The following ADGRB3 variants were observed in gnomAD, a reference collection of about 807,000 sequenced individuals.
The protein encoded by ADGRB3 is adhesion G protein-coupled receptor B3, also known as brain-specific angiogenesis inhibitor 3.
In ADGRB3, 37 loss-of-function variants were observed where a neutral mutation model predicts 193.4. The observed-to-expected ratio is 0.19, with a 90% confidence interval of 0.15 to 0.25. The LOEUF is 0.25. Ranked by LOEUF, ADGRB3 falls within the 10% of genes least tolerant of loss-of-function variation. The pLI is 1.00. For synonymous variants in ADGRB3, 690 were observed against 644.2 expected, an observed-to-expected ratio of 1.07 and a Z score of -1.08; for missense variants, 1,637 against 1,852.9, an observed-to-expected ratio of 0.88 and a Z score of 2.14.
intron 17 of ADGRB3, among the ~76,000 whole-genome samples, chr6:69,088,702 G>A (rs1772621641): frequency 6.6e-6 from 1 of 152,154 alleles, no homozygotes; most frequent in Non-Finnish European, 1.5e-5. Context: ...AAGTTAAAAT[G>A]TTCTTGCTCT....
chr6:69,210,973 T>A (rs1765651688), intron 17 of ADGRB3, among the ~76,000 whole-genome samples: 1 of 150,374 alleles, frequency 6.7e-6, no homozygotes, highest in Non-Finnish European at 1.5e-5. Flanking sequence ...AAAAAAAAAA[T>A]TAACCAGGCG....
chr6:68,754,514 T>C (rs1010797025), intron 3 of ADGRB3, among the ~76,000 whole-genome samples: 1 of 152,216 alleles, frequency 6.6e-6, no homozygotes, highest in African/African-American at 2.4e-5. Flanking sequence ...ACACATTGTA[T>C]ATTATTTGTA....
chr6:69,040,381 C>CTTTCTTTCTTTCTTTCTTTCTT (rs1383554780), intron 13 of ADGRB3, among the ~76,000 whole-genome samples: 5 of 56,068 alleles, frequency 8.9e-5, no homozygotes, highest in East Asian at 4.9e-4. Flanking sequence ...TTCTTTCCTT[C>CTTTCTTTCTTTCTTTCTTTCTT]TCTCTCTTTC....
intron 3 of ADGRB3, among the ~76,000 whole-genome samples, chr6:68,844,145 G>A (rs1327576202): frequency 1.3e-5 from 2 of 152,026 alleles, no homozygotes; most frequent in East Asian, 3.9e-4. Flanking sequence ...CACAAGTAGA[G>A]GCAACCAAAG....
At position 69,072,648 on chromosome 6, in the gene ADGRB3, A is replaced by G. The variant is rs535475424; in HGVS notation, c.2437-3347A>G. Reference sequence around the variant, plus strand: ...CTTAATCTACATTATACATCATTAAAATCAGCCAATTAGATTTAATGGATC... The same window carrying G: ...CTTAATCTACATTATACATCATTAAGATCAGCCAATTAGATTTAATGGATC... On this transcript the variant is annotated intron_variant, in intron 16 of 31. Transcript: ENST00000370598. Among the ~76,000 whole-genome samples, 3 of 152,184 alleles carry G rather than the reference A, an allele frequency of 2.0e-5. No homozygotes were observed. In the East Asian group the frequency reaches 5.8e-4, roughly 29 times the overall value.
At chr6:68,972,641 C>A (rs1236261348) in intron 8 of ADGRB3, among the ~76,000 whole-genome samples, 1 of 152,106 alleles carries the variant, frequency 6.6e-6, no homozygotes, top group Non-Finnish European at 1.5e-5. Flanking sequence ...TGGGAGAGAG[C>A]AAATGTGTCC....
chr6:68,836,722 C>T (rs894712593), intron 3 of ADGRB3, among the ~76,000 whole-genome samples: 19 of 152,140 alleles, frequency 1.2e-4, no homozygotes, highest in African/African-American at 4.1e-4. Flanking sequence ...GGTGCAGTGG[C>T]TCAAACCTGT....
intron 24 of ADGRB3, 122 bp from the exon 25 acceptor site, chr6:69,338,794 C>T: frequency 3.8e-6 from 3 of 790,458 alleles, no homozygotes; most frequent in Non-Finnish European, 4.3e-6. Context: ...CTAGAGCATA[C>T]ATTTTTGATA....
At chr6:68,987,155 CTGA>C (rs1216061228) in intron 10 of ADGRB3, among the ~76,000 whole-genome samples, 1 of 152,064 alleles carries the variant, frequency 6.6e-6, no homozygotes, top group African/African-American at 2.4e-5. Context: ...AGCATAATCA[CTGA>C]TAATTATAAT....
At position 69,382,707 on chromosome 6, in the gene ADGRB3, A is replaced by G. The variant is rs1042725904; in HGVS notation, c.4276-124A>G. 12 of 568,544 alleles carry G rather than the reference A, an allele frequency of 2.1e-5. No homozygotes were observed. In the African/African-American group the frequency reaches 2.4e-4, roughly 11 times the overall value. The allele number at this position is 568,544 out of a possible 1,614,324, so 35.2% of individuals were successfully genotyped here. A position where few individuals can be genotyped will look rare whatever the true frequency, so the allele number is the denominator to read the frequency against. ...CAACTTATTTGCATTTGTGCATCTT[A>G]TAGGACCTCCTGGTTCCTGCCAAAC... is the stretch of plus-strand genomic sequence containing the variant. On this transcript the variant is annotated intron_variant, in intron 30 of 31. Coordinates refer to ENST00000370598, the MANE Select transcript of ADGRB3 (RefSeq NM_001704.3).
chr6:69,110,650 T>TA (rs1773341298), intron 17 of ADGRB3, among the ~76,000 whole-genome samples: 1 of 152,184 alleles, frequency 6.6e-6, no homozygotes, highest in Non-Finnish European at 1.5e-5. Context: ...GAAGTTATTT[T>TA]AAAAATTAAC....
intron 3 of ADGRB3, among the ~76,000 whole-genome samples, chr6:68,742,252 T>C (rs1000431439): frequency 2.0e-5 from 3 of 152,194 alleles, no homozygotes; most frequent in Non-Finnish European, 4.4e-5. Flanking sequence ...TCAGCATATA[T>C]TGTAATTCTT....
intron 3 of ADGRB3, among the ~76,000 whole-genome samples, chr6:68,845,954 G>T (rs1381218054): frequency 6.6e-6 from 1 of 152,166 alleles, no homozygotes; most frequent in Non-Finnish European, 1.5e-5. Context: ...ATGTGGGAAA[G>T]TTTAGAACTT....
intron 20 of ADGRB3, among the ~76,000 whole-genome samples, chr6:69,255,405 T>G (rs1348594648): frequency 1.3e-5 from 2 of 152,238 alleles, no homozygotes; most frequent in African/African-American, 4.8e-5. Flanking sequence ...CCATTCTAAC[T>G]GGTGTGAGAT....
chr6:68,802,757 C>T (rs928404559), intron 3 of ADGRB3, among the ~76,000 whole-genome samples: 2 of 152,178 alleles, frequency 1.3e-5, no homozygotes, highest in South Asian at 4.2e-4. Flanking sequence ...CATGGGAACC[C>T]AAGGAATTAG....
At chr6:68,726,375 T>G (rs896081087) in intron 3 of ADGRB3, among the ~76,000 whole-genome samples, 4 of 151,570 alleles carry the variant, frequency 2.6e-5, no homozygotes, top group African/African-American at 9.7e-5. Flanking sequence ...CAAAACCAAA[T>G]TTGGGATTGA....
Position 68,956,853 on chromosome 6 carries a change from G to A in ADGRB3, c.1525+44G>A, listed in dbSNP as rs781432374. 17 of 1,515,210 alleles carry A rather than the reference G, an allele frequency of 1.1e-5. No individual in the cohort carries two copies. In the East Asian group the frequency reaches 1.2e-4, roughly 11 times the overall value. The allele number at this position is 1,515,210 out of a possible 1,614,324, so 93.9% of individuals were successfully genotyped here. On this transcript the variant is annotated intron_variant, in intron 8 of 31. Transcript: ENST00000370598. ...TATCCCAAAAGAAACATTTCATAAC[G>A]TGAAAAAAAAAAGATTTAAAAATAT...
chr6:68,854,785 T>G (rs1764927566), intron 3 of ADGRB3, among the ~76,000 whole-genome samples: 1 of 152,204 alleles, frequency 6.6e-6, no homozygotes, highest in South Asian at 2.1e-4. Flanking sequence ...TGTGTTTTCC[T>G]TGCCTTGCCT....
chr6:69,312,341 T>C (rs1768212155), intron 20 of ADGRB3, among the ~76,000 whole-genome samples: 1 of 151,800 alleles, frequency 6.6e-6, no homozygotes, highest in South Asian at 2.1e-4. Flanking sequence ...AAGAACTTCC[T>C]TAAGGAGAAA....
Sources: allele counts gnomAD v4.1 joint callset (sites outside exome capture counted in the v4.1 genomes callset), GRCh38; gene constraint gnomAD v4.1.1; transcripts MANE v1.5; gene names NCBI Gene and HGNC (gene_info 2026-07-23, HGNC 2026-07-21).